SAG: variants seen among roughly 807,000 people sequenced by gnomAD.
The protein encoded by SAG is S-arrestin.
A neutral mutation model predicts 55.0 loss-of-function variants in SAG; 45 were observed. The observed-to-expected ratio is 0.82, with a 90% CI of 0.64 to 1.05. The LOEUF is 1.05. Among genes scored for constraint, SAG ranks in the 50% least tolerant of loss-of-function variants. The pLI is 0.00. For missense variants in SAG, 455 were observed against 512.1 expected (o/e 0.89, Z 1.08); for synonymous variants, 189 against 197.4 (o/e 0.96, Z 0.36).
intron 6 of SAG, among the ~76,000 whole-genome samples, chr2:233,324,857 C>G (rs905672576): frequency 3.3e-5 from 5 of 152,042 alleles, no homozygotes; most frequent in African/African-American, 1.2e-4. Context: ...AGGGCATCTG[C>G]GACATCTGAC....
rs769806044 is a variant in SAG at position 233,335,086 on chromosome 2, G to A, written c.931G>A (p.Ala311Thr). The change falls in exon 11 of 16, where the codon GCC becomes ACC. Residue 311 changes from alanine (A) to threonine (T), a missense_variant. Physicochemically the swap from Ala to Thr is moderately conservative, Grantham distance 58 (BLOSUM62 0). Transcript: ENST00000409110. Reference sequence around the variant, plus strand: ...AATCAAGCACGAGGACACAAACCTTGCCTCCAGCACCATGTGAGTCCTCGA... The same window carrying A: ...AATCAAGCACGAGGACACAAACCTTACCTCCAGCACCATGTGAGTCCTCGA... ...GKIKHEDTNL[A>T]SSTIIKEGID... is the part of the protein sequence containing the mutation. 8 of 1,613,616 alleles carry A rather than the reference G, an allele frequency of 5.0e-6. No individual in the cohort carries two copies. Among genetic ancestry groups the A allele is most frequent in the African/African-American group, 1.3e-5 (1 of 74,946 alleles).
In SAG at chr2:233,319,772, C is replaced by T. The variant is rs13394839; in HGVS notation, c.182-858C>T. On this transcript the variant is annotated intron_variant, in intron 4 of 15. Transcript: ENST00000409110. The surrounding 1 kb of genome is among the most constrained non-coding windows in gnomAD (Gnocchi z 4.4). ...ACTGCACAGGACAGCTGTCAAACCA[C>T]GTGGTCTCTGGGCACCTTCTTAGTC... The T allele has an allele frequency of 0.021, 20,347 of 985,576 alleles. 234 individuals carry two copies. The highest frequency in any genetic ancestry group is 0.023 in the Non-Finnish European group (19,221 of 829,928). 61.1% of individuals were successfully genotyped at this position (985,576 alleles called of 1,614,324 possible). A position where few individuals can be genotyped will look rare whatever the true frequency, so the allele number is the denominator to read the frequency against.
Position 233,309,138 on chromosome 2 carries a change from C to CT in SAG, c.-28-23dup, listed in dbSNP as rs570351146. On this transcript the variant is annotated intron_variant, in intron 1 of 15. Coordinates refer to ENST00000409110, the MANE Select transcript of SAG (RefSeq NM_000541.5). ...GATTGTCTTACCTTTCTCCAACCCT[C>CT]TAACACCTGACCAACACCCCAAGGT... 13,781 of 1,467,954 alleles carry CT rather than the reference C, an allele frequency of 9.4e-3. 83 individuals carry two copies. The highest frequency in any genetic ancestry group is 0.012 in the Non-Finnish European group (12,716 of 1,051,296). 90.9% of individuals were successfully genotyped at this position (1,467,954 alleles called of 1,614,324 possible).
chr2:233,320,554 T>C (rs1452629038), intron 4 of SAG, 76 bp from the exon 5 acceptor site: 3 of 1,191,450 alleles, frequency 2.5e-6, no homozygotes, highest in Non-Finnish European at 3.5e-6. Context: ...AAACCCGTGT[T>C]CGCTGCCCAT....
In SAG at chr2:233,320,811, C is replaced by G. The variant is rs1272395621; in HGVS notation, c.363C>G (p.Pro121=). 2 of 1,593,268 alleles carry G rather than the reference C, an allele frequency of 1.3e-6. No individual in the cohort carries two copies. Among genetic ancestry groups the G allele is most frequent in the South Asian group, 2.3e-5 (2 of 87,592 alleles). ...LLKKLGSNTY[P]FLLTFPDYLP... Reference sequence around the variant, plus strand: ...AAAAGCTGGGGAGCAACACGTACCCCTTTCTCCTGACGGTGGGTGACTCCT... The same window carrying G: ...AAAAGCTGGGGAGCAACACGTACCCGTTTCTCCTGACGGTGGGTGACTCCT... The change falls in exon 5 of 16, where the codon CCC becomes CCG. Residue 121 remains proline (P), a synonymous_variant. Transcript: ENST00000409110.
intron 6 of SAG, among the ~76,000 whole-genome samples, chr2:233,325,354 TA>T (rs3085260): frequency 1.5e-3 from 214 of 142,922 alleles, no homozygotes; most frequent in East Asian, 4.1e-3. Context: ...AGACTCCATC[TA>T]AAAAAAAAAA....
intron 14 of SAG, chr2:233,342,722 G>T: frequency 5.4e-6 from 1 of 186,096 alleles, no homozygotes; most frequent in Non-Finnish European, 1.1e-5. Flanking sequence ...AAGGCCTCAT[G>T]TTTCATTTGA....
chr2:233,310,829 C>A (rs991391995), intron 2 of SAG, among the ~76,000 whole-genome samples: 1 of 152,098 alleles, frequency 6.6e-6, no homozygotes, highest in African/African-American at 2.4e-5. Flanking sequence ...CTTCTGAACC[C>A]GGTATGGGGT....
Position 233,338,748 on chromosome 2 carries a change from G to A in SAG, c.1017G>A (p.Val339=), listed in dbSNP as rs761557766. The A allele has an allele frequency of 1.2e-6, 2 of 1,613,718 alleles. No homozygotes were observed. The highest frequency in any genetic ancestry group is 1.1e-5 in the South Asian group (1 of 91,090). ...VSYQIKVKLT[V]SGFLGELTSS... ...ACCAGATCAAGGTGAAGCTCACAGT[G>A]TCAGGGTAAGTGTCCCGGCACCAAC... Residue 339 remains valine (V), a synonymous_variant, in exon 12 of 16, where the codon GTG becomes GTA. Coordinates refer to ENST00000409110, the MANE Select transcript of SAG (RefSeq NM_000541.5).
In SAG at chr2:233,325,203, CAAA is replaced by C. The variant is rs3085261; in HGVS notation, c.436-1902_436-1900del. On this transcript the variant is annotated intron_variant, in intron 6 of 15. Transcript: ENST00000409110. ...TGGGCATTAGAGCAAGGCTCCATCTCAAAAAAAAAAAAAAAAAATTAGCTGGGC... is the reference window on the plus strand; with the variant it reads ...TGGGCATTAGAGCAAGGCTCCATCTCAAAAAAAAAAAAAAATTAGCTGGGC... Among the ~76,000 whole-genome samples the C allele has an allele frequency of 6.2e-5, 8 of 128,450 alleles. No homozygotes were observed. In the South Asian group the frequency reaches 9.9e-4, roughly 16 times the overall value. The allele number at this position is 128,450 out of a possible 152,430, so 84.3% of individuals were successfully genotyped here. A position where few individuals can be genotyped will look rare whatever the true frequency, so the allele number is the denominator to read the frequency against.
intron 6 of SAG, among the ~76,000 whole-genome samples, chr2:233,324,589 C>G (rs7608122): frequency 0.73 from 111,644 of 151,976 alleles, 41,490 homozygotes; most frequent in African/African-American, 0.84. Flanking sequence ...GAGTTGAGAA[C>G]AGAGTTGAGA....
intron 3 of SAG, among the ~76,000 whole-genome samples, chr2:233,317,121 C>G (rs1382555052): frequency 6.6e-6 from 1 of 152,200 alleles, no homozygotes; most frequent in Non-Finnish European, 1.5e-5. Context: ...CTTAGCCTCC[C>G]AAAGTGCTGA....
chr2:233,321,067 C>T (rs920051230), intron 5 of SAG, among the ~76,000 whole-genome samples: 2 of 152,210 alleles, frequency 1.3e-5, no homozygotes, highest in Non-Finnish European at 2.9e-5. Flanking sequence ...ACCCGACCCC[C>T]TAATTACATG....
chr2:233,320,889 A>G, intron 5 of SAG, 66 bp downstream of exon 5: 8 of 1,362,144 alleles, frequency 5.9e-6, no homozygotes, highest in South Asian at 4.0e-5. Flanking sequence ...GGATGGGGGC[A>G]AAGGAAAGGG....
At chr2:233,316,016 C>T in intron 2 of SAG, 59 bp from the exon 3 acceptor site, 1 of 1,055,946 alleles carries the variant, frequency 9.5e-7, no homozygotes, top group South Asian at 1.4e-5. Context: ...TGGTTTTTAT[C>T]ATGGATGCCT....
rs1700583577 is a variant in SAG, at chr2:233,327,106, C to G, written c.436-15C>G. On this transcript the variant is annotated splice_polypyrimidine_tract_variant and intron_variant, in intron 6 of 15. Coordinates refer to ENST00000409110, the MANE Select transcript of SAG (RefSeq NM_000541.5). ...AGTCGCTGATCGCTGCCTGTCTGCT[C>G]TCTCTCCCCAACAGTCCTGTGGGGT... The G allele has an allele frequency of 6.2e-7, 1 of 1,611,666 alleles. No individual in the cohort carries two copies. Among genetic ancestry groups the G allele is most frequent in the Non-Finnish European group, 8.5e-7 (1 of 1,177,840 alleles).
chr2:233,345,279 G>C (rs1003897610), intron 14 of SAG: 1 of 152,240 alleles, frequency 6.6e-6, no homozygotes, highest in Non-Finnish European at 1.5e-5. Flanking sequence ...TGCGGCTGGG[G>C]GTTGGTCCTC....
In SAG at chr2:233,322,932, G is replaced by GT; in HGVS notation, c.376-11dup. On this transcript the variant is annotated splice_polypyrimidine_tract_variant and intron_variant, in intron 5 of 15. Coordinates refer to ENST00000409110, the MANE Select transcript of SAG (RefSeq NM_000541.5). ...TTCTGAAATAAATGATTTTTTATTT[G>GT]TTTCTTTCCACAGTTTCCTGACTAC... is the stretch of plus-strand genomic sequence containing the variant. The GT allele has an allele frequency of 6.6e-7, 1 of 1,505,754 alleles. No homozygotes were observed. The highest frequency in any genetic ancestry group is 9.1e-7 in the Non-Finnish European group (1 of 1,103,392). 93.3% of individuals were successfully genotyped at this position (1,505,754 alleles called of 1,614,324 possible). A position where few individuals can be genotyped will look rare whatever the true frequency, so the allele number is the denominator to read the frequency against.
intron 8 of SAG, chr2:233,329,290 GT>G (rs1700673408): frequency 1.9e-6 from 1 of 538,716 alleles, no homozygotes; most frequent in African/African-American, 1.9e-5. Context: ...TCGGAACTCT[GT>G]TCCCCTCCCC....
Sources: allele counts gnomAD v4.1 joint callset (sites outside exome capture counted in the v4.1 genomes callset), GRCh38; gene constraint gnomAD v4.1.1; non-coding constraint Gnocchi (gnomAD v3.1); transcripts MANE v1.5; gene names NCBI Gene and HGNC (gene_info 2026-07-23, HGNC 2026-07-21).